BFSP1: variants seen among roughly 807,000 people sequenced by gnomAD.
The protein encoded by BFSP1 is beaded filament structural protein 1, also known as filensin.
Under a neutral mutation model 43.9 loss-of-function variants are expected in BFSP1, and 38 were observed. The observed-to-expected ratio is 0.87, with a 90% CI of 0.67 to 1.14. BFSP1 has a LOEUF of 1.14. BFSP1 is among the 50% of genes most tolerant of loss of function. The pLI is 0.00. For synonymous variants in BFSP1, 352 were observed against 354.8 expected (o/e 0.99, Z 0.09); for missense variants, 850 against 875.1 (o/e 0.97, Z 0.36).
At chr20:17,512,780 G>A (rs2034117350) in intron 3 of BFSP1, among the ~76,000 whole-genome samples, 3 of 152,160 alleles carry the variant, frequency 2.0e-5, no homozygotes, top group Admixed American at 1.3e-4. Flanking sequence ...CACCAGCAGT[G>A]TTTCAAAGAA....
At chr20:17,528,408 G>A (rs2034465406) in intron 1 of BFSP1, among the ~76,000 whole-genome samples, 1 of 152,186 alleles carries the variant, frequency 6.6e-6, no homozygotes, top group Admixed American at 6.5e-5. Flanking sequence ...AAGTACAGTA[G>A]ACTATGGTCT....
chr20:17,516,652 A>G (rs1238018670), intron 2 of BFSP1, among the ~76,000 whole-genome samples: 1 of 152,212 alleles, frequency 6.6e-6, no homozygotes, highest in African/African-American at 2.4e-5. Context: ...CAAGATGGTA[A>G]GGGAGTGGCC....
intron 4 of BFSP1, among the ~76,000 whole-genome samples, chr20:17,511,091 C>CCCACTATT (rs1194825299): frequency 6.7e-6 from 1 of 148,972 alleles, no homozygotes; most frequent in Admixed American, 6.7e-5. Flanking sequence ...GGATTACAAG[C>CCCACTATT]ATGAGCCACC....
intron 5 of BFSP1, among the ~76,000 whole-genome samples, chr20:17,504,462 G>C (rs2033882219): frequency 6.6e-6 from 1 of 152,182 alleles, no homozygotes; most frequent in African/African-American, 2.4e-5. Context: ...CCTGGCCGAG[G>C]AGAATGAGAC....
rs374561494 is a variant in BFSP1 at position 17,523,898 on chromosome 20, ATCCGG to A, written c.438+945_438+949del. Among the ~76,000 whole-genome samples the A allele has an allele frequency of 9.9e-4, 150 of 152,186 alleles. 3 individuals are homozygous for A. The South Asian group carries it at 0.031, about 31-fold the overall frequency. The stretch of plus-strand genomic sequence containing the variant: ...TGGACAAAGTGAAGGGATGGCAAAC[ATCCGG>A]CGCTAACCCTGACTGTCCAAAGAGG... On this transcript the variant is annotated intron_variant, in intron 2 of 7. Coordinates refer to ENST00000377873, the MANE Select transcript of BFSP1 (RefSeq NM_001195.5).
In BFSP1 at chr20:17,514,824, G is replaced by T; in HGVS notation, c.439-8C>A. The T allele has an allele frequency of 6.2e-7, 1 of 1,612,846 alleles. No homozygotes were observed. The highest frequency in any genetic ancestry group is 1.1e-5 in the South Asian group (1 of 90,974). On this transcript the variant is annotated splice_polypyrimidine_tract_variant and splice_region_variant and intron_variant, in intron 2 of 7. Coordinates refer to ENST00000377873, the MANE Select transcript of BFSP1 (RefSeq NM_001195.5). ...CAAGGCTTCATCAGCTTCCTGCAAT[G>T]AGAGCCACATATCCCTGGCCACAGG...
Position 17,494,590 on chromosome 20 carries a change from C to A in BFSP1, c.1482G>T (p.Gly494=). 5 of 1,614,154 alleles carry A rather than the reference C, an allele frequency of 3.1e-6. No individual in the cohort carries two copies. Among genetic ancestry groups the A allele is most frequent in the Non-Finnish European group, 4.2e-6 (5 of 1,180,020 alleles). Residue 494 remains glycine (G), a synonymous_variant, in exon 8 of 8, where the codon GGG becomes GGT. Coordinates refer to ENST00000377873, the MANE Select transcript of BFSP1 (RefSeq NM_001195.5). The part of the protein sequence containing the change: ...FYVSSITAKG[G]VAVSVAEDSV... ...AGTCTTCCGCAACAGAAACAGCCACCCCACCTTTAGCTGTGATGGAGGAGA... is the reference window on the plus strand; with the variant it reads ...AGTCTTCCGCAACAGAAACAGCCACACCACCTTTAGCTGTGATGGAGGAGA...
At chr20:17,504,155 C>T (rs1294262003) in intron 5 of BFSP1, among the ~76,000 whole-genome samples, 1 of 152,124 alleles carries the variant, frequency 6.6e-6, no homozygotes, top group Non-Finnish European at 1.5e-5. Flanking sequence ...CTGTCCTGGG[C>T]GCCCCCACAG....
At chr20:17,549,969 T>C (rs2034869712) in intron 1 of BFSP1, among the ~76,000 whole-genome samples, 1 of 152,174 alleles carries the variant, frequency 6.6e-6, no homozygotes, top group Non-Finnish European at 1.5e-5. Context: ...GGTGGGGACA[T>C]AGATCCAAAC....
chr20:17,541,326 T>C (rs916803976), intron 1 of BFSP1: 3 of 900,630 alleles, frequency 3.3e-6, no homozygotes, highest in African/African-American at 3.6e-5. Flanking sequence ...TGGCCAAAGA[T>C]GGATCATTAC....
intron 6 of BFSP1, among the ~76,000 whole-genome samples, chr20:17,497,656 TCATATATACGTATATA>T (rs1353606665): frequency 6.7e-6 from 1 of 149,828 alleles, no homozygotes; most frequent in Non-Finnish European, 1.5e-5. Flanking sequence ...ATATATCTAC[TCATATATACGTATATA>T]CATATATACA....
At chr20:17,514,181 AAGAAAAAGCAGCTC>A (rs1289051938) in intron 3 of BFSP1, among the ~76,000 whole-genome samples, 1 of 152,198 alleles carries the variant, frequency 6.6e-6, no homozygotes, top group African/African-American at 2.4e-5. Context: ...CATTTTGAAG[AAGAAAAAGCAGCTC>A]AGAGAGGTTA....
chr20:17,499,403 CTT>C (rs34583097), intron 5 of BFSP1, among the ~76,000 whole-genome samples: 14 of 82,070 alleles, frequency 1.7e-4, no homozygotes, highest in African/African-American at 4.4e-4. Flanking sequence ...ACATGCTGGG[CTT>C]TTTTTTTTTT....
In BFSP1 at chr20:17,530,664, T is replaced by C. The variant is rs77634452; in HGVS notation, c.377+289A>G. On this transcript the variant is annotated intron_variant, in intron 1 of 7. Coordinates refer to ENST00000377873, the MANE Select transcript of BFSP1 (RefSeq NM_001195.5). ...GGTATATACATTTGTCAAAACTCAC[T>C]GAACTATGCACTTCAAATCTGTGCA... Among the ~76,000 whole-genome samples, 1,507 of 152,336 alleles carry C rather than the reference T, an allele frequency of 9.9e-3. 26 individuals are homozygous for C. The highest frequency in any genetic ancestry group is 0.034 in the African/African-American group (1,433 of 41,580).
At position 17,525,209 on chromosome 20, in the gene BFSP1, G is replaced by A. The variant is rs2034395393; in HGVS notation, c.378-301C>T. On this transcript the variant is annotated intron_variant, in intron 1 of 7. Transcript: ENST00000377873. This position sits in a 1 kb window ranked among gnomAD's most constrained non-coding sequence, Gnocchi z 4.2. The stretch of plus-strand genomic sequence containing the variant: ...TTATTCCCAGCCACCCCAAGGATGA[G>A]GGAATTATATCCTAGCCTATCTATA... Among the ~76,000 whole-genome samples, 1 of 152,102 alleles carries A rather than the reference G, an allele frequency of 6.6e-6. No homozygotes were observed. Among genetic ancestry groups the A allele is most frequent in the Non-Finnish European group, 1.5e-5 (1 of 68,012 alleles).
intron 3 of BFSP1, among the ~76,000 whole-genome samples, chr20:17,513,767 G>A (rs1413357414): frequency 3.9e-5 from 6 of 152,240 alleles, no homozygotes; most frequent in African/African-American, 1.4e-4. Flanking sequence ...CATGACGGGT[G>A]GAGTGGGAAA....
Position 17,508,983 on chromosome 20 carries a change from G to T in BFSP1, c.641C>A (p.Thr214Lys). 1 of 1,586,262 alleles carries T rather than the reference G, an allele frequency of 6.3e-7. No homozygotes were observed. ...CCGCAGGGCGGCCACCTCCCGCTCCGTCAGGAGCTTCTCCTGCACAGAGAA... is the reference window on the plus strand; with the variant it reads ...CCGCAGGGCGGCCACCTCCCGCTCCTTCAGGAGCTTCTCCTGCACAGAGAA... Reference protein sequence around the residue: ...TSGMREEKLLTEREVAALRSQ... With the variant: ...TSGMREEKLLKEREVAALRSQ... Residue 214 changes from threonine to lysine, a missense_variant, in exon 5 of 8, where the codon ACG becomes AAG. By Grantham distance (78) the Thr-to-Lys change is moderately conservative. Coordinates refer to ENST00000377873, the MANE Select transcript of BFSP1 (RefSeq NM_001195.5).
chr20:17,534,122 A>G (rs1271652395), upstream of BFSP1, among the ~76,000 whole-genome samples: 1 of 152,272 alleles, frequency 6.6e-6, no homozygotes, highest in Non-Finnish European at 1.5e-5. Flanking sequence ...CAGTAGGAGT[A>G]GAGATCGTAT....
chr20:17,553,790 TATATACACACACACAC>T lies in BFSP1; in HGVS notation c.2+4882_2+4897del, dbSNP rs1418549721. Among the ~76,000 whole-genome samples, 3 of 67,842 alleles carry T rather than the reference TATATACACACACACAC, an allele frequency of 4.4e-5. 1 individual carries two copies. In the African/African-American group the frequency reaches 5.2e-4, roughly 12 times the overall value. 44.5% of individuals were successfully genotyped at this position (67,842 alleles called of 152,430 possible). ...AAATATATAAACATATATATATATA[TATATACACACACACAC>T]ACACACACACACACACACATATATA... On this transcript the variant is annotated intron_variant, in intron 1 of 7. Transcript: ENST00000377868.
Sources: allele counts gnomAD v4.1 joint callset (sites outside exome capture counted in the v4.1 genomes callset), GRCh38; gene constraint gnomAD v4.1.1; non-coding constraint Gnocchi (gnomAD v3.1); transcripts MANE v1.5; gene names NCBI Gene and HGNC (gene_info 2026-07-23, HGNC 2026-07-21).